The following WDFY3 variants were observed in gnomAD, a reference collection of about 807,000 sequenced individuals.
The protein encoded by WDFY3 is WD repeat and FYVE domain-containing protein 3.
A neutral mutation model predicts 409.6 loss-of-function variants in WDFY3; 66 were observed. The observed-to-expected ratio is 0.16, with a 90% CI of 0.13 to 0.20. The LOEUF is 0.20. Ranked by LOEUF, WDFY3 falls within the 10% of genes least tolerant of loss-of-function variation. The pLI is 1.00. For missense variants in WDFY3, 3,031 were observed against 4,298.1 expected, an observed-to-expected ratio of 0.71 and a Z score of 8.24; for synonymous variants, 1,521 against 1,537.1, an observed-to-expected ratio of 0.99 and a Z score of 0.25.
At chr4:84,751,364 T>C in intron 36 of WDFY3, 119 bp downstream of exon 36, 1 of 1,037,358 alleles carries the variant, frequency 9.6e-7, no homozygotes, top group Non-Finnish European at 1.4e-6. Flanking sequence ...CTATAACATG[T>C]TCTGCCTACA....
rs1560796627 is a variant in WDFY3 at position 84,801,843 on chromosome 4, C to G, written c.2629G>C (p.Ala877Pro). The G allele has an allele frequency of 1.2e-6, 2 of 1,613,988 alleles. No individual in the cohort carries two copies. Among genetic ancestry groups the G allele is most frequent in the Non-Finnish European group, 1.7e-6 (2 of 1,179,914 alleles). ...QPEHALDLQL[A>P]VANILQSLVH... Reference sequence around the variant, plus strand: ...AGGGATTGTAAAATATTTGCCACGGCAAGTTGAAGATCCAAAGCATGCTAA... The same window carrying G: ...AGGGATTGTAAAATATTTGCCACGGGAAGTTGAAGATCCAAAGCATGCTAA... Residue 877 changes from alanine to proline, a missense_variant, in exon 17 of 68, where the codon GCC becomes CCC. Coordinates refer to ENST00000295888, the MANE Select transcript of WDFY3 (RefSeq NM_014991.6).
chr4:84,810,509 A>C (rs1752322849), intron 13 of WDFY3, 165 bp from the exon 14 acceptor site: 1 of 557,820 alleles, frequency 1.8e-6, no homozygotes, highest in Admixed American at 3.8e-5. Flanking sequence ...TTGCTAATTA[A>C]AAAAGCCACA....
At chr4:84,699,579 C>G (rs1730744779) in intron 56 of WDFY3, among the ~76,000 whole-genome samples, 1 of 152,158 alleles carries the variant, frequency 6.6e-6, no homozygotes, top group African/African-American at 2.4e-5. Flanking sequence ...AGGAGTGGAA[C>G]TGCTGGGTCA....
At chr4:84,771,286 C>T (rs1744639646) in intron 30 of WDFY3, among the ~76,000 whole-genome samples, 1 of 152,140 alleles carries the variant, frequency 6.6e-6, no homozygotes, top group Admixed American at 6.5e-5. Flanking sequence ...TATAGGTGCA[C>T]ACCAACACAC....
chr4:84,896,205 G>A (rs779183424), intron 3 of WDFY3, among the ~76,000 whole-genome samples: 3 of 151,974 alleles, frequency 2.0e-5, no homozygotes, highest in Non-Finnish European at 2.9e-5. Flanking sequence ...GCAGTGAGCC[G>A]AGATTGTGCC....
rs142876591 is a variant in WDFY3 at position 84,704,577 on chromosome 4, G to A, written c.8336-133C>T. 1.1e-3 allele frequency: 659 copies of A among 611,534 alleles called. 1 individual carries two copies. The highest frequency in any genetic ancestry group is 5.9e-3 in the Middle Eastern group (13 of 2,188). 37.9% of individuals were successfully genotyped at this position (611,534 alleles called of 1,614,324 possible). On this transcript the variant is annotated intron_variant, in intron 54 of 67. Coordinates refer to ENST00000295888, the MANE Select transcript of WDFY3 (RefSeq NM_014991.6). Reference sequence around the variant, plus strand: ...CTAAATGCAATTAGTACTGGCATTTGCAGCAGGAAAACTTCAGGACACCAC... The same window carrying A: ...CTAAATGCAATTAGTACTGGCATTTACAGCAGGAAAACTTCAGGACACCAC...
At chr4:84,903,534 G>A (rs961341306) in intron 2 of WDFY3, among the ~76,000 whole-genome samples, 1 of 152,008 alleles carries the variant, frequency 6.6e-6, no homozygotes, top group African/African-American at 2.4e-5. Flanking sequence ...AACCCAGGCT[G>A]GTCTCAAACT....
intron 6 of WDFY3, among the ~76,000 whole-genome samples, chr4:84,840,051 A>C (rs1578761696): frequency 6.6e-6 from 1 of 152,204 alleles, no homozygotes; most frequent in Non-Finnish European, 1.5e-5. Context: ...GTTACAGTTA[A>C]GTAGGTCCAT....
chr4:84,961,398 A>G (rs1312109398), intron 1 of WDFY3, among the ~76,000 whole-genome samples: 3 of 152,022 alleles, frequency 2.0e-5, no homozygotes, highest in Admixed American at 1.3e-4. Context: ...TTTAAGTCCA[A>G]GTAAAATTGA....
At chr4:84,675,640 A>G (rs1167886606) in intron 67 of WDFY3, among the ~76,000 whole-genome samples, 2 of 152,212 alleles carry the variant, frequency 1.3e-5, no homozygotes, top group Non-Finnish European at 2.9e-5. Context: ...GACTATGCCC[A>G]TACCAGTAAG....
intron 1 of WDFY3, among the ~76,000 whole-genome samples, chr4:84,964,754 T>G (rs1775411771): frequency 6.6e-6 from 1 of 152,150 alleles, no homozygotes; most frequent in African/African-American, 2.4e-5. Context: ...ACTCCTGGCC[T>G]CAAGTGATCC....
At chr4:84,940,232 C>T (rs1253471006) in intron 1 of WDFY3, among the ~76,000 whole-genome samples, 1 of 152,060 alleles carries the variant, frequency 6.6e-6, no homozygotes, top group African/African-American at 2.4e-5. Context: ...CAAGAGTTGC[C>T]TGCAACCCGT....
chr4:84,799,967 G>A (rs988284712), intron 17 of WDFY3, among the ~76,000 whole-genome samples: 1 of 152,208 alleles, frequency 6.6e-6, no homozygotes, highest in Non-Finnish European at 1.5e-5. Flanking sequence ...GTAGCATTAG[G>A]TATGGGACAA....
chr4:84,828,927 C>G, intron 9 of WDFY3, 77 bp downstream of exon 9: 1 of 1,409,736 alleles, frequency 7.1e-7, no homozygotes, highest in Non-Finnish European at 9.4e-7. Flanking sequence ...TTCCTATAAC[C>G]CCAAATCACA....
intron 3 of WDFY3, among the ~76,000 whole-genome samples, chr4:84,869,764 AC>A (rs1340286932): frequency 6.6e-6 from 1 of 152,216 alleles, no homozygotes; most frequent in Non-Finnish European, 1.5e-5. Flanking sequence ...TATCCATGGA[AC>A]TCAGACTCAA....
At chr4:84,703,377 C>A (rs536571693) in intron 55 of WDFY3, among the ~76,000 whole-genome samples, 23 of 152,320 alleles carry the variant, frequency 1.5e-4, no homozygotes, top group African/African-American at 5.1e-4. Context: ...CTTCTTCAGT[C>A]AAGCCCCCTA....
intron 3 of WDFY3, among the ~76,000 whole-genome samples, chr4:84,874,699 G>A (rs1307093440): frequency 6.6e-6 from 1 of 152,112 alleles, no homozygotes; most frequent in African/African-American, 2.4e-5. Context: ...CCTTCTCAGA[G>A]AAGTCTTCCC....
chr4:84,850,381 C>T (rs765483976), intron 4 of WDFY3, among the ~76,000 whole-genome samples: 3 of 152,094 alleles, frequency 2.0e-5, no homozygotes, highest in East Asian at 3.9e-4. Context: ...TGTAGTGGCA[C>T]GATTTTGGCT....
chr4:84,849,139 A>G lies in WDFY3; in HGVS notation c.304+763T>C, dbSNP rs189900070. 5.3e-5 allele frequency among the ~76,000 whole-genome samples: 8 copies of G among 152,232 alleles called. No individual in the cohort carries two copies. The East Asian group carries it at 1.5e-3, about 29-fold the overall frequency. On this transcript the variant is annotated intron_variant, in intron 5 of 67. Coordinates refer to ENST00000295888, the MANE Select transcript of WDFY3 (RefSeq NM_014991.6). Reference sequence around the variant, plus strand: ...AAAATTAGGAATTAAGGGATTCAGGAAACAGAATCCACCCCCAAAAAATGA... The same window carrying G: ...AAAATTAGGAATTAAGGGATTCAGGGAACAGAATCCACCCCCAAAAAATGA...
Sources: gnomAD v4.1 joint callset for allele counts (sites outside exome capture counted in the v4.1 genomes callset) on GRCh38, gnomAD v4.1.1 for gene constraint, MANE v1.5 for transcripts, NCBI Gene and HGNC (gene_info 2026-07-23, HGNC 2026-07-21) for gene names.